RIMS2: variants seen among roughly 807,000 people sequenced by gnomAD.
RIMS2 encodes regulating synaptic membrane exocytosis protein 2.
In RIMS2, 59 loss-of-function variants were observed where a neutral mutation model predicts 174.4. The observed-to-expected ratio is 0.34, with a 90% CI of 0.27 to 0.42. The LOEUF is 0.42. Among genes scored for constraint, RIMS2 ranks in the 10% least tolerant of loss-of-function variants. RIMS2 has a pLI of 1.00. For synonymous variants in RIMS2, 606 were observed against 572.5 expected, an observed-to-expected ratio of 1.06 and a Z score of -0.84; for missense variants, 1,620 against 1,666.3, an observed-to-expected ratio of 0.97 and a Z score of 0.48.
chr8:103,631,382 TAG>T (rs2095916543), intron 1 of RIMS2, among the ~76,000 whole-genome samples: 1 of 152,232 alleles, frequency 6.6e-6, no homozygotes, highest in African/African-American at 2.4e-5. Flanking sequence ...ATTTATTGCG[TAG>T]AGATTCTTTT....
chr8:104,090,080 C>T (rs959068188), intron 19 of RIMS2, among the ~76,000 whole-genome samples: 14 of 135,416 alleles, frequency 1.0e-4, no homozygotes, highest in African/African-American at 2.3e-4. Context: ...TATATATATA[C>T]ACACACACAC....
intron 2 of RIMS2, among the ~76,000 whole-genome samples, chr8:103,733,364 C>T (rs973709760): frequency 5.9e-5 from 9 of 152,004 alleles, no homozygotes; most frequent in African/African-American, 2.2e-4. Flanking sequence ...GTAGTGTGAG[C>T]TTCATTGCCT....
chr8:104,166,661 G>A (rs1293889701), intron 19 of RIMS2, among the ~76,000 whole-genome samples: 1 of 151,692 alleles, frequency 6.6e-6, no homozygotes, highest in African/African-American at 2.4e-5. Flanking sequence ...CTATATTCAA[G>A]ACCTCAAGCA....
intron 3 of RIMS2, among the ~76,000 whole-genome samples, chr8:103,877,916 T>C (rs2099148967): frequency 6.6e-6 from 1 of 151,480 alleles, no homozygotes; most frequent in South Asian, 2.1e-4. Flanking sequence ...CTTTCATCAA[T>C]GTTTTGTAGT....
chr8:103,564,001 C>T (rs533808464), intron 1 of RIMS2, among the ~76,000 whole-genome samples: 14 of 152,264 alleles, frequency 9.2e-5, no homozygotes, highest in Middle Eastern at 6.8e-3. Flanking sequence ...TCCCACAACA[C>T]ATGGGAATTC....
At chr8:103,559,049 T>C (rs1476000183) in intron 1 of RIMS2, 1 of 127,922 alleles carries the variant, frequency 7.8e-6, no homozygotes, top group Non-Finnish European at 1.6e-5. Context: ...TTTCAGATAT[T>C]TTTTAACTTT....
chr8:103,781,440 A>G (rs1403120330), intron 3 of RIMS2, among the ~76,000 whole-genome samples: 1 of 152,198 alleles, frequency 6.6e-6, no homozygotes, highest in Non-Finnish European at 1.5e-5. Flanking sequence ...AACTGGAACA[A>G]AAGTATATAT....
At chr8:104,055,485 G>A (rs942603856) in intron 19 of RIMS2, among the ~76,000 whole-genome samples, 3 of 152,096 alleles carry the variant, frequency 2.0e-5, no homozygotes, top group African/African-American at 7.2e-5. Flanking sequence ...TTAACACAAT[G>A]AATTTGGCTG....
chr8:104,225,182 C>T (rs913258455), intron 19 of RIMS2, among the ~76,000 whole-genome samples: 7 of 152,166 alleles, frequency 4.6e-5, no homozygotes, highest in Admixed American at 2.0e-4. Context: ...CCCACAACAA[C>T]CTTATGAAGC....
At chr8:103,856,028 C>A (rs2099025739) in intron 3 of RIMS2, among the ~76,000 whole-genome samples, 2 of 152,158 alleles carry the variant, frequency 1.3e-5, no homozygotes, top group South Asian at 4.1e-4. Flanking sequence ...TTTTATGAAT[C>A]TGGGTGCTCC....
chr8:103,742,457 C>A (rs2097770927), intron 2 of RIMS2, among the ~76,000 whole-genome samples: 1 of 152,096 alleles, frequency 6.6e-6, no homozygotes, highest in African/African-American at 2.4e-5. Context: ...ATGCCTTCTG[C>A]AGTTTTATAA....
intron 19 of RIMS2, among the ~76,000 whole-genome samples, chr8:104,184,540 A>G (rs933524801): frequency 2.6e-5 from 4 of 151,716 alleles, no homozygotes; most frequent in Non-Finnish European, 5.9e-5. Flanking sequence ...TTGATTCGCC[A>G]TAATATCCTT....
intron 17 of RIMS2, among the ~76,000 whole-genome samples, chr8:104,010,023 T>C (rs55665655): frequency 0.11 from 15,907 of 150,720 alleles, 1,172 homozygotes; most frequent in Non-Finnish European, 0.16. Flanking sequence ...GACGGACGGA[T>C]GGACGGACGG....
At chr8:103,743,361 T>C (rs1161745555) in intron 2 of RIMS2, among the ~76,000 whole-genome samples, 1 of 152,222 alleles carries the variant, frequency 6.6e-6, no homozygotes, top group Non-Finnish European at 1.5e-5. Context: ...CCAGAATTAT[T>C]GCCGGATAAA....
intron 1 of RIMS2, among the ~76,000 whole-genome samples, chr8:103,659,641 G>A (rs1334036637): frequency 1.3e-5 from 2 of 152,172 alleles, no homozygotes; most frequent in African/African-American, 2.4e-5. Flanking sequence ...CTAACCAGGA[G>A]CACCCCCATG....
At chr8:103,987,172 T>G (rs549966705) in intron 16 of RIMS2, among the ~76,000 whole-genome samples, 1 of 152,268 alleles carries the variant, frequency 6.6e-6, no homozygotes, top group South Asian at 2.1e-4. Context: ...CATTTTTTTT[T>G]TCAAGGACAA....
intron 1 of RIMS2, among the ~76,000 whole-genome samples, chr8:103,576,153 C>T (rs2093218657): frequency 6.6e-6 from 1 of 152,196 alleles, no homozygotes; most frequent in Non-Finnish European, 1.5e-5. Context: ...CCCTAGCCAG[C>T]CTTCCCACAC....
At chr8:103,875,179 T>G (rs571748374) in intron 3 of RIMS2, among the ~76,000 whole-genome samples, 2 of 152,114 alleles carry the variant, frequency 1.3e-5, no homozygotes, top group South Asian at 4.1e-4. Flanking sequence ...ATGAATTGTG[T>G]AGTAGTGAAA....
intron 2 of RIMS2, among the ~76,000 whole-genome samples, chr8:103,732,346 C>T (rs1369425048): frequency 2.6e-5 from 4 of 152,184 alleles, no homozygotes; most frequent in Non-Finnish European, 5.9e-5. Flanking sequence ...AGGGGTGACA[C>T]AAGCACTCCT....
Sources: gnomAD v4.1 joint callset for allele counts (sites outside exome capture counted in the v4.1 genomes callset) on GRCh38, gnomAD v4.1.1 for gene constraint, MANE v1.5 for transcripts, NCBI Gene and HGNC (gene_info 2026-07-23, HGNC 2026-07-21) for gene names.